CR1: variants seen among roughly 807,000 people sequenced by gnomAD.
CR1 encodes the protein complement receptor type 1.
A neutral mutation model predicts 187.3 loss-of-function variants in CR1; 116 were observed. That is an observed-to-expected ratio of 0.62 (90% confidence interval 0.53 to 0.72). The LOEUF is 0.72. CR1 is among the 30% of genes least tolerant of loss of function. CR1 has a pLI of 0.00. For synonymous variants in CR1, 576 were observed against 747.1 expected (o/e 0.77, Z 3.73); for missense variants, 1,731 against 2,110.7 (o/e 0.82, Z 3.52).
At chr1:207,515,401 G>A (rs115924259) in intron 4 of CR1, among the ~76,000 whole-genome samples, 3,221 of 151,350 alleles carry the variant, frequency 0.021, 60 homozygotes, top group Non-Finnish European at 0.029. Context: ...CCATGTAAAC[G>A]TCACTCAGAT....
At chr1:207,508,212 A>G (rs188826983) in intron 3 of CR1, among the ~76,000 whole-genome samples, 2 of 152,352 alleles carry the variant, frequency 1.3e-5, no homozygotes, top group African/African-American at 4.8e-5. Context: ...ATGCCATAAC[A>G]GTAGGTACAT....
intron 45 of CR1, among the ~76,000 whole-genome samples, chr1:207,627,909 A>G (rs1558279949): frequency 6.6e-6 from 1 of 152,190 alleles, no homozygotes; most frequent in Non-Finnish European, 1.5e-5. Flanking sequence ...AGAGAAAAGG[A>G]GTAAAGGAGC....
intron 29 of CR1, among the ~76,000 whole-genome samples, chr1:207,578,750 C>T (rs1660845703): frequency 6.6e-6 from 1 of 152,220 alleles, no homozygotes; most frequent in Non-Finnish European, 1.5e-5. Context: ...CATCAGTATC[C>T]ATTGCTGAAA....
chr1:207,506,127 T>C lies in CR1; in HGVS notation c.301+44T>C, dbSNP rs373425217. ...GGAACCCCCCTGTTAGTCAAACATC[T>C]GTAAGATCTGATTCAATTTGTTCAA... On this transcript the variant is annotated intron_variant, in intron 2 of 46. Transcript: ENST00000367049. 65 of 1,594,346 alleles carry C rather than the reference T, an allele frequency of 4.1e-5. No individual in the cohort carries two copies. The Middle Eastern group carries it at 5.0e-4, about 12-fold the overall frequency.
In CR1 at chr1:207,523,312, G is replaced by A. The variant is rs545839355; in HGVS notation, c.488-299G>A. The stretch of plus-strand genomic sequence containing the variant: ...AAATTAAGAAAGCAAACGGAAAAGA[G>A]TAGGAGAAAACTGTATAAATACTAT... On this transcript the variant is annotated intron_variant, in intron 4 of 46. Transcript: ENST00000367049. Among the ~76,000 whole-genome samples the A allele has an allele frequency of 1.9e-3, 286 of 152,316 alleles. 11 individuals carry two copies. In the South Asian group the frequency reaches 0.057, roughly 30 times the overall value.
intron 4 of CR1, among the ~76,000 whole-genome samples, chr1:207,515,713 C>T (rs530545947): frequency 6.6e-6 from 1 of 152,116 alleles, no homozygotes; most frequent in Non-Finnish European, 1.5e-5. Context: ...CAAACTTTTG[C>T]CTATTATTTA....
At chr1:207,633,840 T>A (rs1181509743) in intron 46 of CR1, among the ~76,000 whole-genome samples, 1 of 152,114 alleles carries the variant, frequency 6.6e-6, no homozygotes, top group East Asian at 1.9e-4. Context: ...GGGCTGAGTC[T>A]GAAAAGAGTC....
At chr1:207,613,940 C>T (rs149115469) in intron 39 of CR1, among the ~76,000 whole-genome samples, 9 of 152,218 alleles carry the variant, frequency 5.9e-5, no homozygotes, top group Non-Finnish European at 1.3e-4. Context: ...GAACAGTGCC[C>T]GTTCTCTTTC....
intron 3 of CR1, among the ~76,000 whole-genome samples, chr1:207,510,533 C>G (rs985257865): frequency 2.0e-5 from 3 of 152,168 alleles, no homozygotes; most frequent in African/African-American, 7.2e-5. Context: ...TAGTTTCACC[C>G]AACCATCTAT....
At chr1:207,582,072 G>A in intron 32 of CR1, 69 bp downstream of exon 32, 1 of 1,148,686 alleles carries the variant, frequency 8.7e-7, no homozygotes, top group Non-Finnish European at 1.3e-6. Context: ...TGCCCCATGG[G>A]ATTATCTATT....
intron 1 of CR1, among the ~76,000 whole-genome samples, chr1:207,498,080 T>C (rs1659146693): frequency 6.6e-6 from 1 of 152,216 alleles, no homozygotes; most frequent in Non-Finnish European, 1.5e-5. Context: ...TTGGACCCAG[T>C]AAGTTAAGTC....
At chr1:207,503,011 T>A (rs1324860130) in intron 1 of CR1, among the ~76,000 whole-genome samples, 1 of 152,120 alleles carries the variant, frequency 6.6e-6, no homozygotes, top group Non-Finnish European at 1.5e-5. Flanking sequence ...GAGCAGAAAA[T>A]GAACTCTTGG....
chr1:207,504,368 G>T (rs1572987903), intron 1 of CR1, among the ~76,000 whole-genome samples: 2 of 151,968 alleles, frequency 1.3e-5, no homozygotes, highest in African/African-American at 2.4e-5. Context: ...AATAAAGAAG[G>T]TTGCTCTACC....
intron 46 of CR1, among the ~76,000 whole-genome samples, chr1:207,638,293 C>A (rs1476956061): frequency 6.6e-6 from 1 of 152,188 alleles, no homozygotes; most frequent in Non-Finnish European, 1.5e-5. Flanking sequence ...TTCTGGAACT[C>A]CCATTACAGC....
chr1:207,611,707 G>A lies in CR1; in HGVS notation c.6326G>A (p.Gly2109Asp). 9 of 1,613,890 alleles carry A rather than the reference G, an allele frequency of 5.6e-6. No individual in the cohort carries two copies. Among genetic ancestry groups the A allele is most frequent in the Non-Finnish European group, 7.6e-6 (9 of 1,179,846 alleles). Reference sequence around the variant, plus strand: ...CAGCCGCCTCCAGAAATCCTGCATGGTGAGCATACCCTAAGCCATCAGGAC... The same window carrying A: ...CAGCCGCCTCCAGAAATCCTGCATGATGAGCATACCCTAAGCCATCAGGAC... ...VCQPPPEILH[G>D]EHTLSHQDNF... The change falls in exon 38 of 47, where the codon GGT (glycine) becomes GAT (aspartate). Residue 2109 changes from glycine (G) to aspartate (D), a missense_variant. By Grantham distance (94) the Gly-to-Asp change is moderately conservative (BLOSUM62 -1). Transcript: ENST00000367049.
chr1:207,623,587 AACAC>A (rs55918544), intron 45 of CR1, among the ~76,000 whole-genome samples: 7,088 of 143,898 alleles, frequency 0.049, 237 homozygotes, highest in African/African-American at 0.089. Flanking sequence ...TACATCTCAA[AACAC>A]ACACACACAC....
chr1:207,523,269 G>C (rs370563815), intron 4 of CR1, among the ~76,000 whole-genome samples: 3 of 151,884 alleles, frequency 2.0e-5, no homozygotes, highest in Non-Finnish European at 4.4e-5. Flanking sequence ...AGCTAACCTT[G>C]GTTAATAACA....
chr1:207,575,482 C>T, intron 27 of CR1, 113 bp from the exon 28 acceptor site: 3 of 1,324,588 alleles, frequency 2.3e-6, no homozygotes, highest in Non-Finnish European at 3.3e-6. Flanking sequence ...AAAGTTTAGG[C>T]TAGGCCTTAG....
chr1:207,585,479 G>A (rs1661086335), intron 33 of CR1, among the ~76,000 whole-genome samples: 1 of 152,172 alleles, frequency 6.6e-6, no homozygotes, highest in Admixed American at 6.5e-5. Flanking sequence ...CCAAAGAAAA[G>A]AGTAGGAAAA....
Sources: gnomAD v4.1 joint callset for allele counts (sites outside exome capture counted in the v4.1 genomes callset) on GRCh38, gnomAD v4.1.1 for gene constraint, MANE v1.5 for transcripts, NCBI Gene and HGNC (gene_info 2026-07-23, HGNC 2026-07-21) for gene names.